MARVELD2: variants seen among roughly 807,000 people sequenced by gnomAD.
The protein encoded by MARVELD2 is MARVEL domain-containing protein 2.
A neutral mutation model predicts 57.6 loss-of-function variants in MARVELD2; 49 were observed. That is an observed-to-expected ratio of 0.85 (90% CI 0.68 to 1.08). The LOEUF is 1.08. Ranked by LOEUF, MARVELD2 falls within the 50% of genes least tolerant of loss-of-function variation. The pLI is 0.00. For missense variants in MARVELD2, 606 were observed against 701.1 expected, an observed-to-expected ratio of 0.86 and a Z score of 1.53; for synonymous variants, 238 against 258.8, an observed-to-expected ratio of 0.92 and a Z score of 0.77.
chr5:69,418,683 C>T (rs1766502672), intron 1 of MARVELD2, among the ~76,000 whole-genome samples: 1 of 152,100 alleles, frequency 6.6e-6, no homozygotes, highest in African/African-American at 2.4e-5. Flanking sequence ...GCTGTGCATA[C>T]CCTGTGTTTT....
chr5:69,432,852 G>T (rs1767007981), intron 4 of MARVELD2, 70 bp from the exon 5 acceptor site: 4 of 1,584,078 alleles, frequency 2.5e-6, no homozygotes, highest in Non-Finnish European at 2.6e-6. Flanking sequence ...TAAGGAATAA[G>T]ATAAGCTGAT....
intron 5 of MARVELD2, among the ~76,000 whole-genome samples, chr5:69,437,537 AGCCGAGCATGGTG>A (rs1469779374): frequency 1.3e-5 from 2 of 151,580 alleles, no homozygotes; most frequent in Non-Finnish European, 2.9e-5. Context: ...ACAAAAAATT[AGCCGAGCATGGTG>A]GTGGGCGCCT....
At chr5:69,426,107 C>T (rs1007250135) in intron 3 of MARVELD2, among the ~76,000 whole-genome samples, 2 of 151,704 alleles carry the variant, frequency 1.3e-5, no homozygotes, top group Non-Finnish European at 2.9e-5. Flanking sequence ...CACAATTTAC[C>T]AACTGTGTGG....
rs570138664 is a variant in MARVELD2 at position 69,424,852 on chromosome 5, C to T, written c.1182+216C>T. On this transcript the variant is annotated intron_variant, in intron 3 of 6. Transcript: ENST00000325631. ...CCAGCCTGGCCAAAATGGTGAAACC[C>T]TGTCTCTACCAAAAATACAAAAATT... 1.5e-3 allele frequency among the ~76,000 whole-genome samples: 226 copies of T among 152,082 alleles called. 2 individuals carry two copies. In the Middle Eastern group the frequency reaches 0.017, roughly 11 times the overall value.
Position 69,419,776 on chromosome 5 carries a change from A to G in MARVELD2, c.391A>G (p.Asn131Asp), listed in dbSNP as rs1196062508. 6.2e-7 allele frequency: 1 copy of G among 1,614,164 alleles called. No individual in the cohort carries two copies. The highest frequency in any genetic ancestry group is 2.2e-5 in the East Asian group (1 of 44,884). The change falls in exon 2 of 7, where the codon AAC becomes GAC. Residue 131 changes from asparagine (N) to aspartate (D), a missense_variant. By Grantham distance (23) the Asn-to-Asp change is conservative. Coordinates refer to ENST00000325631, the MANE Select transcript of MARVELD2 (RefSeq NM_001038603.3). ...PARPNHRSPL[N>D]SCKDPYGGSE... ...AAGACCAAACCACCGTTCGCCCCTC[A>G]ACTCCTGCAAAGATCCCTACGGAGG...
Position 69,424,689 on chromosome 5 carries a change from C to T in MARVELD2, c.1182+53C>T. On this transcript the variant is annotated intron_variant, in intron 3 of 6. Coordinates refer to ENST00000325631, the MANE Select transcript of MARVELD2 (RefSeq NM_001038603.3). ...GCTTTAGATTTGTTAATACTTTTCTCTTAGGTCTGTTTATCTACATAGTAG... is the reference window on the plus strand; with the variant it reads ...GCTTTAGATTTGTTAATACTTTTCTTTTAGGTCTGTTTATCTACATAGTAG... 3 of 1,390,044 alleles carry T rather than the reference C, an allele frequency of 2.2e-6. No homozygotes were observed. The South Asian group carries it at 3.5e-5, about 16-fold the overall frequency. 86.1% of individuals were successfully genotyped at this position (1,390,044 alleles called of 1,614,324 possible).
At chr5:69,424,580 T>C (rs1308659123) in intron 2 of MARVELD2, 21 bp from the exon 3 acceptor site, 8 of 1,599,336 alleles carry the variant, frequency 5.0e-6, no homozygotes, top group Non-Finnish European at 6.0e-6. Context: ...TGAAAAACTA[T>C]TTGAACTCTT....
intron 5 of MARVELD2, chr5:69,433,781 A>G (rs929858205): frequency 2.6e-5 from 4 of 152,590 alleles, no homozygotes; most frequent in African/African-American, 9.6e-5. Context: ...TTTTAAAAAA[A>G]TTTATAACCA....
intron 4 of MARVELD2, 31 bp from the exon 5 acceptor site, chr5:69,432,891 A>G (rs889023996): frequency 2.5e-6 from 4 of 1,613,830 alleles, no homozygotes; most frequent in Non-Finnish European, 2.5e-6. Flanking sequence ...TAGTGAAACA[A>G]TTATATCTTT....
chr5:69,438,044 C>G (rs985899988), intron 5 of MARVELD2, among the ~76,000 whole-genome samples: 2 of 152,194 alleles, frequency 1.3e-5, no homozygotes, highest in African/African-American at 4.8e-5. Flanking sequence ...GAGCTTTGTC[C>G]TGGGCAGGAG....
rs772209957 is a variant in MARVELD2 at position 69,419,442 on chromosome 5, C to A, written c.57C>A (p.Ser19Arg). The stretch of plus-strand genomic sequence containing the variant: ...ACAGGCGCTACGATGAGGTCCCAAG[C>A]GACCTGCCCTATCAAGATACCACCA... ...NRDRRYDEVPSDLPYQDTTIR... is the reference protein window; with the variant it reads ...NRDRRYDEVPRDLPYQDTTIR... The change falls in exon 2 of 7, where the codon AGC becomes AGA. Residue 19 changes from serine (S) to arginine (R), a missense_variant. Ser to Arg is a moderately radical substitution (Grantham distance 110). Coordinates refer to ENST00000325631, the MANE Select transcript of MARVELD2 (RefSeq NM_001038603.3). The A allele has an allele frequency of 1.2e-6, 2 of 1,614,140 alleles. No homozygotes were observed. The highest frequency in any genetic ancestry group is 8.5e-7 in the Non-Finnish European group (1 of 1,180,022).
At chr5:69,415,856 G>C (rs1438467025) in intron 1 of MARVELD2, 1 of 152,212 alleles carries the variant, frequency 6.6e-6, no homozygotes, top group Non-Finnish European at 1.5e-5. Flanking sequence ...AAGGGTCCGG[G>C]GCCTGAGCAG....
chr5:69,422,975 A>G (rs1333140741), intron 2 of MARVELD2, among the ~76,000 whole-genome samples: 2 of 152,298 alleles, frequency 1.3e-5, no homozygotes, highest in African/African-American at 2.4e-5. Context: ...TCTGCTCACT[A>G]TAACCTCCGC....
At chr5:69,425,367 A>C (rs919291522) in intron 3 of MARVELD2, among the ~76,000 whole-genome samples, 2 of 150,594 alleles carry the variant, frequency 1.3e-5, no homozygotes, top group Non-Finnish European at 3.0e-5. Flanking sequence ...CACAATGTGC[A>C]CATGTTCCCT....
In MARVELD2 at chr5:69,424,177, G is replaced by A. The variant is rs914237193; in HGVS notation, c.1147-424G>A. Among the ~76,000 whole-genome samples the A allele has an allele frequency of 1.4e-4, 22 of 152,192 alleles. 1 individual carries two copies. The highest frequency in any genetic ancestry group is 2.2e-4 in the Non-Finnish European group (15 of 68,040). On this transcript the variant is annotated intron_variant, in intron 2 of 6. Transcript: ENST00000325631. ...CCTAATTAGACTTCAGTCACCTGAT[G>A]TTGAAAGTTGTGCCTGTCTGTACGT... is the stretch of plus-strand genomic sequence containing the variant.
chr5:69,439,009 T>G (rs1007434641), intron 5 of MARVELD2, among the ~76,000 whole-genome samples: 1 of 144,772 alleles, frequency 6.9e-6, no homozygotes, highest in Non-Finnish European at 1.5e-5. Flanking sequence ...TTGGTTACAG[T>G]GAGCTATTAC....
At chr5:69,424,243 G>A (rs3953425) in intron 2 of MARVELD2, among the ~76,000 whole-genome samples, 52 of 152,198 alleles carry the variant, frequency 3.4e-4, no homozygotes, top group African/African-American at 1.2e-3. Flanking sequence ...AATGGCCTAG[G>A]GCTTTTTTCT....
chr5:69,427,266 G>A lies in MARVELD2; in HGVS notation c.1182+2630G>A, dbSNP rs540347043. 5.9e-5 allele frequency among the ~76,000 whole-genome samples: 9 copies of A among 152,254 alleles called. No individual in the cohort carries two copies. In the South Asian group the frequency reaches 1.0e-3, roughly 18 times the overall value. The stretch of plus-strand genomic sequence containing the variant: ...GCTAGAAAAGCCGGAATCTAATGTG[G>A]GCATGGAACGTGATGGTATGGGTTT... On this transcript the variant is annotated intron_variant, in intron 3 of 6. Coordinates refer to ENST00000325631, the MANE Select transcript of MARVELD2 (RefSeq NM_001038603.3).
intron 6 of MARVELD2, 64 bp from the exon 7 acceptor site, chr5:69,441,468 T>C (rs1767323048): frequency 6.3e-7 from 1 of 1,582,486 alleles, no homozygotes; most frequent in Non-Finnish European, 8.6e-7. Context: ...GGTGACAATG[T>C]ATGTTTCTGT....
Sources: allele counts gnomAD v4.1 joint callset (sites outside exome capture counted in the v4.1 genomes callset), GRCh38; gene constraint gnomAD v4.1.1; transcripts MANE v1.5; gene names NCBI Gene and HGNC (gene_info 2026-07-23, HGNC 2026-07-21).